GRHL2: variants seen among roughly 807,000 people sequenced by gnomAD.
The protein encoded by GRHL2 is grainyhead like transcription factor 2.
A neutral mutation model predicts 83.8 loss-of-function variants in GRHL2; 21 were observed. The ratio of observed to expected loss-of-function variants is 0.25; its 90% CI spans 0.18 to 0.36. The LOEUF is 0.36. Among genes scored for constraint, GRHL2 ranks in the 10% least tolerant of loss-of-function variants. The pLI, the probability that GRHL2 is intolerant of heterozygous loss-of-function variation, is 1.00. For synonymous variants in GRHL2, 280 were observed against 278.9 expected, an observed-to-expected ratio of 1.00 and a Z score of -0.04; for missense variants, 623 against 781.8, an observed-to-expected ratio of 0.80 and a Z score of 2.42.
rs199515988 is a variant in GRHL2, at chr8:101,504,638, G to GT, written c.20+11859dup. Among the ~76,000 whole-genome samples the GT allele has an allele frequency of 6.4e-4, 94 of 147,178 alleles. No homozygotes were observed. The East Asian group carries it at 7.8e-3, about 12-fold the overall frequency. Reference sequence around the variant, plus strand: ...AAAAGGTAGTTGTAGGCAAGGTCGGGTTTTTTTTTTGTATTTTCTAGAATA... The same window carrying GT: ...AAAAGGTAGTTGTAGGCAAGGTCGGGTTTTTTTTTTTGTATTTTCTAGAATA... On this transcript the variant is annotated intron_variant, in intron 1 of 15. Coordinates refer to ENST00000646743, the MANE Select transcript of GRHL2 (RefSeq NM_024915.4).
intron 5 of GRHL2, among the ~76,000 whole-genome samples, chr8:101,570,827 T>C (rs1811806247): frequency 6.6e-6 from 1 of 152,252 alleles, no homozygotes; most frequent in Non-Finnish European, 1.5e-5. Flanking sequence ...GCTTCTTTCC[T>C]GTTGGACTTT....
intron 9 of GRHL2, 53 bp from the exon 10 acceptor site, chr8:101,631,584 G>A: frequency 1.4e-6 from 2 of 1,402,052 alleles, no homozygotes; most frequent in Admixed American, 1.8e-5. Context: ...CATGACTTTT[G>A]CATGCTCTGC....
intron 7 of GRHL2, among the ~76,000 whole-genome samples, chr8:101,595,220 G>A (rs968898204): frequency 6.6e-6 from 1 of 152,124 alleles, no homozygotes; most frequent in East Asian, 1.9e-4. Context: ...AAACTGACAG[G>A]GACCTTGAAC....
At chr8:101,576,870 T>C (rs1436198128) in intron 6 of GRHL2, among the ~76,000 whole-genome samples, 1 of 152,250 alleles carries the variant, frequency 6.6e-6, no homozygotes, top group Non-Finnish European at 1.5e-5. Context: ...GTATGAAATA[T>C]CTGTAGTTTA....
At chr8:101,598,009 C>G (rs1812427658) in intron 7 of GRHL2, among the ~76,000 whole-genome samples, 1 of 152,056 alleles carries the variant, frequency 6.6e-6, no homozygotes, top group South Asian at 2.1e-4. Context: ...AATCTGGCAA[C>G]TTTAGTCATG....
chr8:101,511,202 T>G (rs925061289), intron 1 of GRHL2, among the ~76,000 whole-genome samples: 1 of 152,206 alleles, frequency 6.6e-6, no homozygotes, highest in Non-Finnish European at 1.5e-5. Context: ...ATACAGTCAC[T>G]TCATTTTTTG....
At chr8:101,531,820 G>T (rs532505908) in intron 1 of GRHL2, among the ~76,000 whole-genome samples, 1 of 151,956 alleles carries the variant, frequency 6.6e-6, no homozygotes, top group Non-Finnish European at 1.5e-5. Context: ...GAGAGGGGGT[G>T]GGGGAGAGAG....
At chr8:101,541,683 G>C (rs1811157125) in intron 1 of GRHL2, among the ~76,000 whole-genome samples, 1 of 152,056 alleles carries the variant, frequency 6.6e-6, no homozygotes, top group Non-Finnish European at 1.5e-5. Context: ...CAATGAACAA[G>C]CATATGAGGG....
chr8:101,585,262 C>T (rs2130267705), intron 7 of GRHL2, among the ~76,000 whole-genome samples: 1 of 152,262 alleles, frequency 6.6e-6, no homozygotes, highest in Non-Finnish European at 1.5e-5. Flanking sequence ...TCTCTCCCTA[C>T]AGTCTGGAAA....
At chr8:101,568,140 T>A (rs1243102597) in intron 4 of GRHL2, among the ~76,000 whole-genome samples, 2 of 152,288 alleles carry the variant, frequency 1.3e-5, no homozygotes, top group African/African-American at 4.8e-5. Context: ...AATGTGTTAA[T>A]GTAGTACTTG....
intron 1 of GRHL2, among the ~76,000 whole-genome samples, chr8:101,508,622 A>T (rs1039229602): frequency 6.6e-6 from 1 of 152,148 alleles, no homozygotes; most frequent in African/African-American, 2.4e-5. Flanking sequence ...TTTGCCAATG[A>T]AAGCAGTGAC....
At chr8:101,545,313 CAG>C (rs1314189086) in intron 2 of GRHL2, among the ~76,000 whole-genome samples, 1 of 152,124 alleles carries the variant, frequency 6.6e-6, no homozygotes, top group Non-Finnish European at 1.5e-5. Flanking sequence ...AAACTCCCAG[CAG>C]GACTCCTGAC....
At chr8:101,615,774 CTGACTTCTG>C in intron 8 of GRHL2, among the ~76,000 whole-genome samples, 1 of 152,296 alleles carries the variant, frequency 6.6e-6, no homozygotes, top group African/African-American at 2.4e-5. Flanking sequence ...AATCTTCCCT[CTGACTTCTG>C]TGATTGCAGG....
intron 8 of GRHL2, among the ~76,000 whole-genome samples, chr8:101,607,651 C>G (rs1024861874): frequency 8.5e-5 from 13 of 152,152 alleles, no homozygotes; most frequent in Admixed American, 3.3e-4. Flanking sequence ...CTGGGGGGCA[C>G]TCCTGGGAGG....
At chr8:101,582,531 G>C (rs1172009869) in intron 7 of GRHL2, among the ~76,000 whole-genome samples, 1 of 152,202 alleles carries the variant, frequency 6.6e-6, no homozygotes, top group Admixed American at 6.5e-5. Context: ...TGTGTCACAG[G>C]CTGAAGCCTT....
chr8:101,571,507 G>C (rs200635488), intron 5 of GRHL2, among the ~76,000 whole-genome samples: 1 of 120,028 alleles, frequency 8.3e-6, no homozygotes, highest in East Asian at 2.6e-4. Context: ...AAAAAAAAAA[G>C]AGTGAGAGAG....
At chr8:101,552,057 T>G (rs931780141) in intron 2 of GRHL2, among the ~76,000 whole-genome samples, 6 of 151,970 alleles carry the variant, frequency 3.9e-5, no homozygotes, top group South Asian at 2.1e-4. Context: ...GGATGGTCTC[T>G]ACCTCCTGAC....
At chr8:101,537,981 A>C (rs887272534) in intron 1 of GRHL2, among the ~76,000 whole-genome samples, 1 of 151,962 alleles carries the variant, frequency 6.6e-6, no homozygotes, top group Non-Finnish European at 1.5e-5. Context: ...GCTGATTTTC[A>C]ACAGATCACA....
chr8:101,599,022 T>G (rs759361670), intron 7 of GRHL2, 35 bp from the exon 8 acceptor site: 2 of 1,433,550 alleles, frequency 1.4e-6, no homozygotes, highest in Non-Finnish European at 2.0e-6. Context: ...TCACTCTTAC[T>G]CCTTTAAAAG....
Sources: gnomAD v4.1 joint callset for allele counts (sites outside exome capture counted in the v4.1 genomes callset) on GRCh38, gnomAD v4.1.1 for gene constraint, MANE v1.5 for transcripts, NCBI Gene and HGNC (gene_info 2026-07-23, HGNC 2026-07-21) for gene names.